Variants in WDPCP observed in about 807,000 individuals in gnomAD.
WDPCP encodes the protein WD repeat containing planar cell polarity effector, also known as WD repeat-containing and planar cell polarity effector protein fritz homolog.
WDPCP carries 71 observed loss-of-function variants against 93.1 expected under a neutral mutation model. The ratio of observed to expected loss-of-function variants is 0.76; its 90% CI spans 0.63 to 0.93. WDPCP has a LOEUF of 0.93. WDPCP is among the 40% of genes least tolerant of loss of function. The probability of loss-of-function intolerance (pLI) is 0.00; values close to 1 mark genes in which losing one functional copy is unlikely to be tolerated. For synonymous variants in WDPCP, 315 were observed against 315.0 expected (o/e 1.00, Z 0.00); for missense variants, 844 against 887.4 (o/e 0.95, Z 0.62).
At chr2:63,463,002 T>C (rs918106929) in intron 6 of WDPCP, among the ~76,000 whole-genome samples, 3 of 152,084 alleles carry the variant, frequency 2.0e-5, no homozygotes, top group African/African-American at 7.2e-5. Flanking sequence ...GGAGGAACCA[T>C]GGAAGCTGTG....
chr2:63,252,313 C>G (rs1427975702), intron 14 of WDPCP, among the ~76,000 whole-genome samples: 1 of 152,072 alleles, frequency 6.6e-6, no homozygotes, highest in Admixed American at 6.6e-5. Context: ...TATGACAAAC[C>G]CATAGCCAAC....
At chr2:63,784,123 G>C (rs1481456451) in intron 2 of WDPCP, among the ~76,000 whole-genome samples, 1 of 152,056 alleles carries the variant, frequency 6.6e-6, no homozygotes, top group African/African-American at 2.4e-5. Flanking sequence ...TCTAGCATCT[G>C]GCACTGTACT....
chr2:63,642,620 G>C (rs1486833849), intron 3 of WDPCP: 1 of 152,074 alleles, frequency 6.6e-6, no homozygotes, highest in African/African-American at 2.4e-5. Context: ...TTAACATACA[G>C]TAATGCTACT....
chr2:63,324,647 C>CTG (rs1687386617), intron 12 of WDPCP, among the ~76,000 whole-genome samples: 1 of 152,338 alleles, frequency 6.6e-6, no homozygotes, highest in Admixed American at 6.5e-5. Flanking sequence ...GCAGCTTTAG[C>CTG]TGCAGCCCAA....
chr2:63,702,087 A>G (rs1669061752), intron 2 of WDPCP, among the ~76,000 whole-genome samples: 1 of 152,134 alleles, frequency 6.6e-6, no homozygotes, highest in African/African-American at 2.4e-5. Flanking sequence ...GTGCAATGGC[A>G]CGATCTCTGC....
intron 17 of WDPCP, among the ~76,000 whole-genome samples, chr2:63,126,440 A>C (rs79229886): frequency 0.037 from 5,570 of 152,294 alleles, 144 homozygotes; most frequent in Non-Finnish European, 0.053. Flanking sequence ...TTACAGATGA[A>C]GAAACAGGTA....
chr2:63,649,047 C>G (rs1360117987), intron 3 of WDPCP, among the ~76,000 whole-genome samples: 1 of 152,168 alleles, frequency 6.6e-6, no homozygotes, highest in Non-Finnish European at 1.5e-5. Flanking sequence ...ATATATACTT[C>G]ATATAACATA....
At chr2:63,188,452 C>A (rs965854452) in intron 14 of WDPCP, among the ~76,000 whole-genome samples, 4 of 151,684 alleles carry the variant, frequency 2.6e-5, no homozygotes, top group Admixed American at 2.6e-4. Context: ...CATTGAACCC[C>A]TCTAGTGAAT....
intron 14 of WDPCP, among the ~76,000 whole-genome samples, chr2:63,197,301 A>T (rs1574850432): frequency 6.6e-6 from 1 of 152,218 alleles, no homozygotes; most frequent in East Asian, 1.9e-4. Flanking sequence ...CTCTATTGTA[A>T]GAAGATAGTA....
rs546019033 is a variant in WDPCP at position 63,585,463 on chromosome 2, T to C, written c.75+2734A>G. Among the ~76,000 whole-genome samples, 114 of 152,278 alleles carry C rather than the reference T, an allele frequency of 7.5e-4. 5 individuals carry two copies. The highest frequency in any genetic ancestry group is 5.9e-4 in the Admixed American group (9 of 15,294). On this transcript the variant is annotated intron_variant, in intron 1 of 17. Transcript: ENST00000272321. Reference sequence around the variant, plus strand: ...CAATCTTTCCTTTAAAAAATATTTGTAATAATTTGGTCTCTGATTTATTTC... The same window carrying C: ...CAATCTTTCCTTTAAAAAATATTTGCAATAATTTGGTCTCTGATTTATTTC...
At chr2:63,174,030 T>C (rs950479720) in intron 15 of WDPCP, among the ~76,000 whole-genome samples, 1 of 152,184 alleles carries the variant, frequency 6.6e-6, no homozygotes, top group East Asian at 1.9e-4. Context: ...ACTTTTTTAC[T>C]GTAACAGCAG....
intron 1 of WDPCP, among the ~76,000 whole-genome samples, chr2:63,560,845 T>A (rs564569260): frequency 6.6e-6 from 1 of 152,020 alleles, no homozygotes; most frequent in Non-Finnish European, 1.5e-5. Flanking sequence ...GGTAGGGGCC[T>A]GGGGGAGGCA....
chr2:63,394,672 TGTG>T (rs1254548545), intron 10 of WDPCP, among the ~76,000 whole-genome samples: 7 of 152,196 alleles, frequency 4.6e-5, no homozygotes, highest in African/African-American at 1.7e-4. Flanking sequence ...ATAAAGGAAA[TGTG>T]GTACATATAC....
intron 13 of WDPCP, among the ~76,000 whole-genome samples, chr2:63,277,001 G>A (rs1683137479): frequency 6.6e-6 from 1 of 152,116 alleles, no homozygotes; most frequent in South Asian, 2.1e-4. Context: ...ACCTATAAAG[G>A]AAAACCTATC....
chr2:63,551,033 C>T (rs1705596114), intron 1 of WDPCP, among the ~76,000 whole-genome samples: 1 of 152,102 alleles, frequency 6.6e-6, no homozygotes, highest in African/African-American at 2.4e-5. Context: ...CCTTGCTACT[C>T]ACATCCAGTC....
At chr2:63,768,421 T>TA (rs1207441548) in intron 2 of WDPCP, among the ~76,000 whole-genome samples, 1 of 151,970 alleles carries the variant, frequency 6.6e-6, no homozygotes, top group Non-Finnish European at 1.5e-5. Context: ...TGTCAACTTT[T>TA]AAAAAATCTG....
chr2:63,728,143 T>C (rs1669516069), intron 2 of WDPCP, among the ~76,000 whole-genome samples: 2 of 152,206 alleles, frequency 1.3e-5, no homozygotes, highest in Non-Finnish European at 2.9e-5. Context: ...ATAAGTAGCA[T>C]AATAAGGCAA....
chr2:63,607,270 C>G (rs1258443502), intron 3 of WDPCP: 1 of 199,102 alleles, frequency 5.0e-6, no homozygotes, highest in African/African-American at 2.4e-5. Flanking sequence ...GGCGCAGTGA[C>G]TGACACCTGT....
intron 10 of WDPCP, among the ~76,000 whole-genome samples, chr2:63,388,526 A>G (rs1692938118): frequency 6.6e-6 from 1 of 152,238 alleles, no homozygotes; most frequent in Admixed American, 6.5e-5. Flanking sequence ...CAGAAGTGGA[A>G]CAAAGCTGGA....
Sources: allele counts gnomAD v4.1 joint callset (sites outside exome capture counted in the v4.1 genomes callset), GRCh38; gene constraint gnomAD v4.1.1; transcripts MANE v1.5; gene names NCBI Gene and HGNC (gene_info 2026-07-23, HGNC 2026-07-21).